Variants in SECISBP2 observed in about 807,000 individuals in gnomAD.
The protein encoded by SECISBP2 is SECIS binding protein 2.
Under a neutral mutation model 98.2 loss-of-function variants are expected in SECISBP2, and 96 were observed. The observed-to-expected ratio is 0.98, with a 90% CI of 0.83 to 1.16. The LOEUF is 1.16. SECISBP2 is among the 50% of genes most tolerant of loss of function. The pLI is 0.00. For missense variants in SECISBP2, 1,046 were observed against 1,022.9 expected, an observed-to-expected ratio of 1.02 and a Z score of -0.31; for synonymous variants, 407 against 370.2, an observed-to-expected ratio of 1.10 and a Z score of -1.14.
At chr9:89,343,013 T>C (rs961361173) in intron 10 of SECISBP2, among the ~76,000 whole-genome samples, 2 of 152,250 alleles carry the variant, frequency 1.3e-5, no homozygotes, top group African/African-American at 4.8e-5. Context: ...CCACTTGATA[T>C]GATGACATTG....
downstream of SECISBP2, among the ~76,000 whole-genome samples, chr9:89,360,314 T>C (rs753278536): frequency 2.0e-5 from 3 of 152,102 alleles, no homozygotes; most frequent in Non-Finnish European, 4.4e-5. Context: ...AGTAAGTAAA[T>C]AGCAAGTTGT....
chr9:89,335,157 A>G (rs560720186), intron 7 of SECISBP2, among the ~76,000 whole-genome samples: 10 of 150,120 alleles, frequency 6.7e-5, no homozygotes, highest in African/African-American at 2.4e-4. Flanking sequence ...CGGAGCTTGT[A>G]GTGAGCCAAG....
chr9:89,350,900 C>A, intron 14 of SECISBP2, 48 bp downstream of exon 14: 1 of 1,475,126 alleles, frequency 6.8e-7, no homozygotes, highest in Non-Finnish European at 9.5e-7. Context: ...TGCATGAGTG[C>A]CTAGTGTGCC....
rs138065192 is a variant in SECISBP2, at chr9:89,326,712, A to T, written c.574+674A>T. ...CTTAGGTGATTTCGTCATTGTGGGA[A>T]CATTTAGAGTGTACTTACACAGACC... On this transcript the variant is annotated intron_variant, in intron 4 of 16. Coordinates refer to ENST00000375807, the MANE Select transcript of SECISBP2 (RefSeq NM_024077.5). 1.1e-4 allele frequency among the ~76,000 whole-genome samples: 16 copies of T among 152,340 alleles called. No homozygotes were observed. In the East Asian group the frequency reaches 3.1e-3, roughly 29 times the overall value.
intron 6 of SECISBP2, chr9:89,334,094 A>T: frequency 8.9e-7 from 1 of 1,123,476 alleles, no homozygotes; most frequent in South Asian, 2.1e-5. Flanking sequence ...ATAAATTACC[A>T]GTTATTGTGA....
chr9:89,341,793 C>G (rs973099570), intron 10 of SECISBP2, among the ~76,000 whole-genome samples: 11 of 152,068 alleles, frequency 7.2e-5, no homozygotes, highest in African/African-American at 2.4e-4. Context: ...ACCATAGATC[C>G]AAATGAACTC....
intron 7 of SECISBP2, among the ~76,000 whole-genome samples, chr9:89,336,126 C>T (rs1287270299): frequency 9.1e-6 from 1 of 110,190 alleles, no homozygotes; most frequent in East Asian, 2.7e-4. Context: ...GCTTTGATCT[C>T]CCTGGCTCAA....
chr9:89,355,727 A>G (rs964605567), intron 14 of SECISBP2: 4 of 204,384 alleles, frequency 2.0e-5, no homozygotes, highest in Non-Finnish European at 3.4e-5. Flanking sequence ...AAAATTCTGT[A>G]TATCTCCTGG....
intron 4 of SECISBP2, among the ~76,000 whole-genome samples, chr9:89,327,805 G>A (rs1396892376): frequency 6.8e-6 from 1 of 147,796 alleles, no homozygotes; most frequent in African/African-American, 2.5e-5. Context: ...TTCTTTTGTC[G>A]TTTTGTGTTT....
At chr9:89,324,023 T>G (rs1826255580) in intron 2 of SECISBP2, 1 of 152,254 alleles carries the variant, frequency 6.6e-6, no homozygotes, top group Non-Finnish European at 1.5e-5. Context: ...TAGCTACATT[T>G]CATTTGTCTG....
At chr9:89,320,940 T>C (rs1179160031) in intron 2 of SECISBP2, among the ~76,000 whole-genome samples, 1 of 152,234 alleles carries the variant, frequency 6.6e-6, no homozygotes, top group Non-Finnish European at 1.5e-5. Context: ...TAATTGAAAA[T>C]AGTTTGTACT....
chr9:89,352,230 A>G (rs1831386266), intron 14 of SECISBP2, among the ~76,000 whole-genome samples: 5 of 152,214 alleles, frequency 3.3e-5, no homozygotes, highest in Admixed American at 3.3e-4. Flanking sequence ...GTCTCCTCTA[A>G]GACGGTTACA....
At position 89,358,878 on chromosome 9, in the gene SECISBP2, A is replaced by C; in HGVS notation, c.*54A>C. 9.4e-7 allele frequency: 1 copy of C among 1,064,152 alleles called. No homozygotes were observed. Among genetic ancestry groups the C allele is most frequent in the Non-Finnish European group, 1.4e-6 (1 of 689,662 alleles). The allele number at this position is 1,064,152 out of a possible 1,614,324, so 65.9% of individuals were successfully genotyped here. A position where few individuals can be genotyped will look rare whatever the true frequency, so the allele number is the denominator to read the frequency against. Reference sequence around the variant, plus strand: ...GGTAAGGAGGGGAGGTCTGAAAAAGACTTTGGGGCTTTTTCTTCTGTTTTT... The same window carrying C: ...GGTAAGGAGGGGAGGTCTGAAAAAGCCTTTGGGGCTTTTTCTTCTGTTTTT... On this transcript the variant is annotated 3_prime_UTR_variant, in exon 17 of 17. Coordinates refer to ENST00000375807, the MANE Select transcript of SECISBP2 (RefSeq NM_024077.5).
At chr9:89,320,783 A>G (rs1825670055) in intron 2 of SECISBP2, among the ~76,000 whole-genome samples, 1 of 152,246 alleles carries the variant, frequency 6.6e-6, no homozygotes, top group Admixed American at 6.5e-5. Flanking sequence ...CAAAAAAAGT[A>G]TTAATCTTTC....
intron 14 of SECISBP2, among the ~76,000 whole-genome samples, chr9:89,352,148 T>G (rs1230912240): frequency 1.3e-5 from 2 of 152,182 alleles, no homozygotes; most frequent in African/African-American, 4.8e-5. Flanking sequence ...ATTGTTCTTG[T>G]TTTGTGGTGG....
chr9:89,319,287 TAAAC>T (rs1825270467), intron 1 of SECISBP2, among the ~76,000 whole-genome samples: 1 of 152,046 alleles, frequency 6.6e-6, no homozygotes, highest in Non-Finnish European at 1.5e-5. Flanking sequence ...GTGCTGTAGT[TAAAC>T]AGTCCACGTG....
intron 12 of SECISBP2, among the ~76,000 whole-genome samples, chr9:89,349,418 A>C (rs1333594620): frequency 6.6e-6 from 1 of 152,266 alleles, no homozygotes; most frequent in East Asian, 1.9e-4. Context: ...CCTGTTTTTT[A>C]AAGCTCCCTG....
chr9:89,335,180 C>A (rs1260649082), intron 7 of SECISBP2, among the ~76,000 whole-genome samples: 2 of 148,714 alleles, frequency 1.3e-5, no homozygotes, highest in East Asian at 4.0e-4. Context: ...CGCACCAGTG[C>A]ACTCCAGCCT....
intron 14 of SECISBP2, among the ~76,000 whole-genome samples, chr9:89,353,105 C>G (rs1292986420): frequency 2.0e-5 from 3 of 152,158 alleles, no homozygotes; most frequent in Non-Finnish European, 4.4e-5. Context: ...TGGTGATTCT[C>G]AAAACTGTAG....
Sources: allele counts gnomAD v4.1 joint callset (sites outside exome capture counted in the v4.1 genomes callset), GRCh38; gene constraint gnomAD v4.1.1; transcripts MANE v1.5; gene names NCBI Gene and HGNC (gene_info 2026-07-23, HGNC 2026-07-21).